Variants in FRMD4B observed in about 807,000 individuals in gnomAD.
FRMD4B encodes FERM domain-containing protein 4B.
FRMD4B carries 74 observed loss-of-function variants against 141.5 expected under a neutral mutation model. The observed-to-expected ratio is 0.52, with a 90% confidence interval of 0.43 to 0.63. The LOEUF (loss-of-function observed/expected upper bound fraction) is 0.63. FRMD4B is among the 30% of genes least tolerant of loss of function. The probability of loss-of-function intolerance (pLI) is 0.00; values close to 1 mark genes in which losing one functional copy is unlikely to be tolerated. For synonymous variants in FRMD4B, 506 were observed against 467.9 expected, an observed-to-expected ratio of 1.08 and a Z score of -1.05; for missense variants, 1,366 against 1,253.4, an observed-to-expected ratio of 1.09 and a Z score of -1.36.
At chr3:69,304,287 C>G (rs1287878135) in intron 3 of FRMD4B, among the ~76,000 whole-genome samples, 1 of 151,500 alleles carries the variant, frequency 6.6e-6, no homozygotes, top group African/African-American at 2.4e-5. Flanking sequence ...AGTTTAAGAT[C>G]AGCCTGGCCA....
chr3:69,327,664 C>A (rs1218579977), intron 1 of FRMD4B, among the ~76,000 whole-genome samples: 1 of 152,154 alleles, frequency 6.6e-6, no homozygotes, highest in Admixed American at 6.5e-5. Context: ...ATAATTAAAA[C>A]AAACGGATTG....
intron 1 of FRMD4B, among the ~76,000 whole-genome samples, chr3:69,323,324 T>C (rs577791213): frequency 3.3e-5 from 5 of 151,974 alleles, no homozygotes; most frequent in Non-Finnish European, 7.4e-5. Flanking sequence ...CCCAGCACTT[T>C]GGGAGGCTGA....
At chr3:69,404,914 C>G (rs992682309) in intron 2 of FRMD4B, among the ~76,000 whole-genome samples, 1 of 152,160 alleles carries the variant, frequency 6.6e-6, no homozygotes, top group Admixed American at 6.6e-5. Flanking sequence ...CAGGGCTTAT[C>G]ACAGTGCTTG....
At chr3:69,249,956 C>T in intron 6 of FRMD4B, 87 bp downstream of exon 6, 1 of 847,264 alleles carries the variant, frequency 1.2e-6, no homozygotes. Flanking sequence ...CAAACACTGG[C>T]CCATGCAAAA....
chr3:69,383,595 T>C (rs1704175013), intron 1 of FRMD4B, among the ~76,000 whole-genome samples: 1 of 152,260 alleles, frequency 6.6e-6, no homozygotes, highest in African/African-American at 2.4e-5. Flanking sequence ...GGTCTCCCTC[T>C]GTCACTTAGG....
chr3:69,375,407 A>G (rs529461286), intron 1 of FRMD4B, among the ~76,000 whole-genome samples: 2 of 152,340 alleles, frequency 1.3e-5, no homozygotes, highest in Admixed American at 1.3e-4. Flanking sequence ...TTAAATATTA[A>G]TACATTTAAC....
intron 21 of FRMD4B, 94 bp from the exon 22 acceptor site, chr3:69,176,750 T>A: frequency 1.3e-6 from 1 of 791,706 alleles, no homozygotes; most frequent in South Asian, 1.7e-5. Context: ...ATCAGCTTTG[T>A]CAGAGGAGAA....
At chr3:69,415,124 A>C (rs956205634) in intron 2 of FRMD4B, among the ~76,000 whole-genome samples, 1 of 152,174 alleles carries the variant, frequency 6.6e-6, no homozygotes, top group Admixed American at 6.5e-5. Flanking sequence ...TTGGCCTCCC[A>C]AAGTGCTGGG....
chr3:69,201,916 T>G (rs968562487), intron 11 of FRMD4B, among the ~76,000 whole-genome samples: 1 of 151,992 alleles, frequency 6.6e-6, no homozygotes, highest in African/African-American at 2.4e-5. Context: ...CTGGGCGTGG[T>G]GGGTTGGCCG....
At chr3:69,273,637 CT>C (rs2093605164) in intron 5 of FRMD4B, among the ~76,000 whole-genome samples, 1 of 152,144 alleles carries the variant, frequency 6.6e-6, no homozygotes, top group South Asian at 2.1e-4. Flanking sequence ...TTTCACAAGT[CT>C]ATTTTGCAAA....
chr3:69,501,385 T>G (rs1005393802), intron 1 of FRMD4B, among the ~76,000 whole-genome samples: 1 of 152,180 alleles, frequency 6.6e-6, no homozygotes, highest in Non-Finnish European at 1.5e-5. Context: ...ATATACAGTG[T>G]ACAGTATAAC....
intron 1 of FRMD4B, among the ~76,000 whole-genome samples, chr3:69,501,228 CTTT>C (rs534864440): frequency 2.8e-4 from 33 of 117,262 alleles, no homozygotes; most frequent in African/African-American, 3.5e-4. Context: ...CATGGACCTT[CTTT>C]TTTTTTTTTT....
At chr3:69,475,819 C>A (rs1705986165) in intron 1 of FRMD4B, among the ~76,000 whole-genome samples, 1 of 151,724 alleles carries the variant, frequency 6.6e-6, no homozygotes, top group Non-Finnish European at 1.5e-5. Flanking sequence ...TACATTCCCA[C>A]CAACAGTGTA....
At chr3:69,410,744 T>A (rs1226681619) in intron 2 of FRMD4B, among the ~76,000 whole-genome samples, 1,313 of 16,656 alleles carry the variant, frequency 0.079, 64 homozygotes, top group East Asian at 0.44. Context: ...TATATATATA[T>A]ATATATATAT....
chr3:69,339,016 C>T (rs1233841599), intron 1 of FRMD4B, among the ~76,000 whole-genome samples: 1 of 152,078 alleles, frequency 6.6e-6, no homozygotes, highest in Non-Finnish European at 1.5e-5. Flanking sequence ...GATCTTTACG[C>T]ATCCCCCGCC....
chr3:69,322,032 C>G (rs1702016754), intron 1 of FRMD4B, among the ~76,000 whole-genome samples: 1 of 152,122 alleles, frequency 6.6e-6, no homozygotes, highest in Non-Finnish European at 1.5e-5. Flanking sequence ...ACAGACAGAG[C>G]ACAATCCAAA....
chr3:69,215,817 T>C (rs930857155), intron 11 of FRMD4B, among the ~76,000 whole-genome samples: 1 of 152,224 alleles, frequency 6.6e-6, no homozygotes, highest in South Asian at 2.1e-4. Context: ...ACATATAAAA[T>C]TTATAAAATA....
chr3:69,464,747 T>C (rs912381600), intron 1 of FRMD4B, among the ~76,000 whole-genome samples: 1 of 152,150 alleles, frequency 6.6e-6, no homozygotes, highest in African/African-American at 2.4e-5. Context: ...ACACCGTCAA[T>C]AAATTAGTCT....
intron 19 of FRMD4B, among the ~76,000 whole-genome samples, chr3:69,184,491 T>C (rs1312202923): frequency 6.6e-6 from 1 of 152,210 alleles, no homozygotes; most frequent in Non-Finnish European, 1.5e-5. Flanking sequence ...ATCAGCTAGT[T>C]GAACATGTGG....
Sources: allele counts gnomAD v4.1 joint callset (sites outside exome capture counted in the v4.1 genomes callset), GRCh38; gene constraint gnomAD v4.1.1; transcripts MANE v1.5; gene names NCBI Gene and HGNC (gene_info 2026-07-23, HGNC 2026-07-21).